Variants in NTRK3 observed in about 807,000 individuals in gnomAD.
The protein encoded by NTRK3 is neurotrophic receptor tyrosine kinase 3.
Under a neutral mutation model 91.7 loss-of-function variants are expected in NTRK3, and 24 were observed. The ratio of observed to expected loss-of-function variants is 0.26; its 90% CI spans 0.19 to 0.37. The LOEUF is 0.37. NTRK3 is among the 10% of genes least tolerant of loss of function. The pLI is 1.00. For missense variants in NTRK3, 880 were observed against 1,068.9 expected, an observed-to-expected ratio of 0.82 and a Z score of 2.46; for synonymous variants, 483 against 404.0, an observed-to-expected ratio of 1.20 and a Z score of -2.34.
chr15:87,957,536 T>C (rs1444640059), intron 14 of NTRK3, among the ~76,000 whole-genome samples: 2 of 152,130 alleles, frequency 1.3e-5, no homozygotes, highest in African/African-American at 4.8e-5. Context: ...TAGGATTGCA[T>C]AAGATCCTAT....
chr15:88,189,935 G>A (rs1252357231), intron 3 of NTRK3, among the ~76,000 whole-genome samples: 1 of 152,120 alleles, frequency 6.6e-6, no homozygotes, highest in Non-Finnish European at 1.5e-5. Context: ...AATGTTTCAT[G>A]TTTACTCCTC....
At chr15:88,196,673 G>A (rs554099864) in intron 3 of NTRK3, among the ~76,000 whole-genome samples, 3 of 152,304 alleles carry the variant, frequency 2.0e-5, no homozygotes, top group Admixed American at 1.3e-4. Context: ...TCTCTTGTTC[G>A]CTTTTCTCTC....
At chr15:87,961,932 C>A (rs187949621) in intron 14 of NTRK3, among the ~76,000 whole-genome samples, 1 of 152,338 alleles carries the variant, frequency 6.6e-6, no homozygotes, top group African/African-American at 2.4e-5. Context: ...GAGAGGTGGG[C>A]CACACATGGC....
At chr15:88,219,004 C>G (rs974391055) in intron 3 of NTRK3, among the ~76,000 whole-genome samples, 2 of 152,238 alleles carry the variant, frequency 1.3e-5, no homozygotes, top group African/African-American at 2.4e-5. Context: ...GCCTGGATGA[C>G]AGATGCCATA....
intron 14 of NTRK3, among the ~76,000 whole-genome samples, chr15:88,005,887 A>G (rs11073758): frequency 0.5 from 76,694 of 152,032 alleles, 20,533 homozygotes; most frequent in African/African-American, 0.69. Context: ...TCTTCACATC[A>G]ATATGGTAAA....
chr15:88,253,670 C>A (rs1203867582), intron 3 of NTRK3, among the ~76,000 whole-genome samples: 2 of 152,196 alleles, frequency 1.3e-5, no homozygotes, highest in African/African-American at 4.8e-5. Context: ...TGTGGGAATC[C>A]ATTTCCCTTG....
chr15:88,245,448 C>G (rs1375291756), intron 3 of NTRK3, among the ~76,000 whole-genome samples: 2 of 152,124 alleles, frequency 1.3e-5, no homozygotes, highest in Non-Finnish European at 2.9e-5. Flanking sequence ...GTTTTTTGAC[C>G]AAAGAAGCCT....
At chr15:88,212,599 C>A (rs1436917576) in intron 3 of NTRK3, among the ~76,000 whole-genome samples, 2 of 152,088 alleles carry the variant, frequency 1.3e-5, no homozygotes, top group Non-Finnish European at 2.9e-5. Flanking sequence ...AATACAGTAA[C>A]TGAGACTTGC....
Position 88,115,272 on chromosome 15 carries a change from C to A in NTRK3, c.1396+10999G>T, listed in dbSNP as rs59604131. 5.7e-3 allele frequency among the ~76,000 whole-genome samples: 874 copies of A among 152,312 alleles called. 9 individuals carry two copies. The highest frequency in any genetic ancestry group is 0.02 in the African/African-American group (851 of 41,570). ...ACAGCTCCCTCAGGTTGGCATGCCC[C>A]TTGCAAAGCAGGCACAAAGCAGCGG... On this transcript the variant is annotated intron_variant, in intron 13 of 18. Transcript: ENST00000394480.
chr15:87,904,372 G>A (rs1200196527), intron 17 of NTRK3, among the ~76,000 whole-genome samples: 2 of 151,390 alleles, frequency 1.3e-5, no homozygotes, highest in East Asian at 1.9e-4. Context: ...TGGACAAGAT[G>A]GTCTTGATCT....
At chr15:87,968,848 T>G (rs1246873665) in intron 14 of NTRK3, among the ~76,000 whole-genome samples, 3 of 152,228 alleles carry the variant, frequency 2.0e-5, no homozygotes, top group Non-Finnish European at 4.4e-5. Flanking sequence ...CAATTACCCA[T>G]GCTATAGAAT....
chr15:88,119,309 G>A (rs749626827), intron 13 of NTRK3, among the ~76,000 whole-genome samples: 3 of 152,218 alleles, frequency 2.0e-5, no homozygotes, highest in Non-Finnish European at 4.4e-5. Context: ...TCTGCAGTCA[G>A]AGCCTCCCAT....
At chr15:88,077,761 G>A (rs144981459) in intron 13 of NTRK3, among the ~76,000 whole-genome samples, 22 of 152,318 alleles carry the variant, frequency 1.4e-4, no homozygotes, top group Admixed American at 1.4e-3. Flanking sequence ...CTGTCACGGA[G>A]TTGGGATGTG....
intron 13 of NTRK3, among the ~76,000 whole-genome samples, chr15:88,091,460 A>G (rs1259605356): frequency 6.6e-6 from 1 of 152,240 alleles, no homozygotes. Flanking sequence ...TTACCCATTG[A>G]TCAAATGGCA....
chr15:88,138,526 T>C (rs998174214), intron 6 of NTRK3, among the ~76,000 whole-genome samples: 5 of 152,096 alleles, frequency 3.3e-5, no homozygotes, highest in Admixed American at 3.3e-4. Flanking sequence ...TCTGCACCAT[T>C]CTCCATCATC....
chr15:88,017,663 A>AT (rs1436549967), intron 14 of NTRK3, among the ~76,000 whole-genome samples: 1 of 151,740 alleles, frequency 6.6e-6, no homozygotes, highest in Admixed American at 6.6e-5. Context: ...CACCCAGCAC[A>AT]TTTTCCTGAC....
At chr15:87,885,438 T>C (rs1216106295) in intron 17 of NTRK3, among the ~76,000 whole-genome samples, 1 of 151,872 alleles carries the variant, frequency 6.6e-6, no homozygotes, top group Non-Finnish European at 1.5e-5. Flanking sequence ...AATTATTTGA[T>C]AAAAACTAAG....
intron 17 of NTRK3, among the ~76,000 whole-genome samples, chr15:87,882,965 G>T (rs2065333402): frequency 6.6e-6 from 1 of 151,836 alleles, no homozygotes; most frequent in Non-Finnish European, 1.5e-5. Context: ...AGAAATTTAG[G>T]TTAGAAAAAT....
intron 3 of NTRK3, among the ~76,000 whole-genome samples, chr15:88,244,964 G>T (rs981542305): frequency 6.6e-6 from 1 of 152,214 alleles, no homozygotes; most frequent in East Asian, 1.9e-4. Context: ...GATTTCTGGG[G>T]CTGCAGAGTG....
Sources: allele counts gnomAD v4.1 joint callset (sites outside exome capture counted in the v4.1 genomes callset), GRCh38; gene constraint gnomAD v4.1.1; transcripts MANE v1.5; gene names NCBI Gene and HGNC (gene_info 2026-07-23, HGNC 2026-07-21).